The following SGCZ variants were observed in gnomAD, a reference collection of about 807,000 sequenced individuals.
SGCZ encodes sarcoglycan zeta.
A neutral mutation model predicts 41.3 loss-of-function variants in SGCZ; 40 were observed. That is an observed-to-expected ratio of 0.97 (90% confidence interval 0.75 to 1.26). The LOEUF (loss-of-function observed/expected upper bound fraction) is 1.26. Ranked by LOEUF, SGCZ falls within the 50% of genes most tolerant of loss-of-function variation. The probability of loss-of-function intolerance (pLI) is 0.00; values close to 1 mark genes in which losing one functional copy is unlikely to be tolerated. For synonymous variants in SGCZ, 206 were observed against 137.5 expected (o/e 1.50, Z -3.49); for missense variants, 552 against 369.8 (o/e 1.49, Z -4.04).
intron 7 of SGCZ, among the ~76,000 whole-genome samples, chr8:14,099,876 C>G (rs995073841): frequency 2.7e-5 from 4 of 149,872 alleles, no homozygotes; most frequent in African/African-American, 7.6e-5. Context: ...CTTTACAATA[C>G]TATGCCTGAA....
chr8:15,164,889 C>T (rs1194035602), intron 1 of SGCZ, among the ~76,000 whole-genome samples: 1 of 152,082 alleles, frequency 6.6e-6, no homozygotes, highest in Non-Finnish European at 1.5e-5. Context: ...GAATAAGCTT[C>T]TTTCTGGTTT....
At chr8:14,633,521 C>A (rs1360591849) in intron 1 of SGCZ, among the ~76,000 whole-genome samples, 1 of 144,054 alleles carries the variant, frequency 6.9e-6, no homozygotes, top group Non-Finnish European at 1.5e-5. Flanking sequence ...GCAAGCATTC[C>A]TTTCTTTCTA....
rs1804963150 is a variant in SGCZ at position 14,890,239 on chromosome 8, A to C, written c.40-335313T>G. On this transcript the variant is annotated intron_variant, in intron 1 of 7. Coordinates refer to ENST00000382080, the MANE Select transcript of SGCZ (RefSeq NM_139167.4). ...CAAAAAAAGAAAGAAAGAAAGAGAGAGAGAAAGAGAGAAAGGAAAAGGAAG... is the reference window on the plus strand; with the variant it reads ...CAAAAAAAGAAAGAAAGAAAGAGAGCGAGAAAGAGAGAAAGGAAAAGGAAG... Among the ~76,000 whole-genome samples the C allele has an allele frequency of 2.6e-5, 4 of 151,842 alleles. 1 individual carries two copies. The highest frequency in any genetic ancestry group is 9.7e-5 in the African/African-American group (4 of 41,332).
chr8:14,535,878 A>G (rs867436177), intron 2 of SGCZ, among the ~76,000 whole-genome samples: 9 of 151,998 alleles, frequency 5.9e-5, no homozygotes, highest in Middle Eastern at 3.4e-3. Flanking sequence ...GACGGCATGT[A>G]AAATATTAAC....
At chr8:14,671,706 T>C (rs1041066988) in intron 1 of SGCZ, among the ~76,000 whole-genome samples, 1 of 152,070 alleles carries the variant, frequency 6.6e-6, no homozygotes, top group Non-Finnish European at 1.5e-5. Context: ...TTAAGCCAAA[T>C]TACTTATAAT....
chr8:14,877,460 A>C (rs1804407641), intron 1 of SGCZ, among the ~76,000 whole-genome samples: 1 of 152,174 alleles, frequency 6.6e-6, no homozygotes, highest in South Asian at 2.1e-4. Flanking sequence ...AACTGCTTCT[A>C]AATCATGATA....
At chr8:14,805,867 T>C (rs1178990252) in intron 1 of SGCZ, among the ~76,000 whole-genome samples, 2 of 149,660 alleles carry the variant, frequency 1.3e-5, no homozygotes, top group African/African-American at 4.9e-5. Context: ...GAACAGAAAT[T>C]ATAACAAACT....
intron 1 of SGCZ, among the ~76,000 whole-genome samples, chr8:14,793,275 C>T (rs1046616311): frequency 6.6e-6 from 1 of 152,194 alleles, no homozygotes; most frequent in African/African-American, 2.4e-5. Context: ...CTAAAACAGC[C>T]TTGTAACAGA....
intron 1 of SGCZ, among the ~76,000 whole-genome samples, chr8:14,774,636 G>C (rs1800344744): frequency 1.3e-5 from 2 of 152,098 alleles, no homozygotes; most frequent in South Asian, 2.1e-4. Flanking sequence ...CCCCTTCTAA[G>C]TCCTCAACAG....
intron 2 of SGCZ, among the ~76,000 whole-genome samples, chr8:14,329,402 T>C (rs1371853935): frequency 3.3e-5 from 5 of 152,328 alleles, no homozygotes; most frequent in Admixed American, 1.3e-4. Context: ...TTGTGGGTTA[T>C]TGAAAATTAA....
At chr8:14,936,222 C>A (rs1055691657) in intron 1 of SGCZ, among the ~76,000 whole-genome samples, 7 of 151,820 alleles carry the variant, frequency 4.6e-5, no homozygotes, top group African/African-American at 1.7e-4. Flanking sequence ...TTAATAAACA[C>A]ACAGATGCTC....
At position 14,906,757 on chromosome 8, in the gene SGCZ, C is replaced by A. The variant is rs374613824; in HGVS notation, c.39+330828G>T. Among the ~76,000 whole-genome samples the A allele has an allele frequency of 3.9e-5, 6 of 152,258 alleles. No individual in the cohort carries two copies. The East Asian group carries it at 1.2e-3, about 29-fold the overall frequency. ...TTCTGAGAAATCAACTGGAGACCAA[C>A]AATGAGATGCTTACAGTCCTGATTA... On this transcript the variant is annotated intron_variant, in intron 1 of 7. Coordinates refer to ENST00000382080, the MANE Select transcript of SGCZ (RefSeq NM_139167.4).
chr8:14,937,465 T>C (rs946409312), intron 1 of SGCZ, among the ~76,000 whole-genome samples: 2 of 151,998 alleles, frequency 1.3e-5, no homozygotes, highest in Non-Finnish European at 2.9e-5. Flanking sequence ...TCCAATGCCT[T>C]CATAAGAAAC....
chr8:14,498,571 C>A (rs1443340648), intron 2 of SGCZ, among the ~76,000 whole-genome samples: 1 of 151,988 alleles, frequency 6.6e-6, no homozygotes, highest in African/African-American at 2.4e-5. Flanking sequence ...TTCTTTAATT[C>A]TTTTGCCTTT....
intron 2 of SGCZ, among the ~76,000 whole-genome samples, chr8:14,382,177 T>G (rs1052772234): frequency 5.9e-5 from 9 of 151,950 alleles, no homozygotes; most frequent in Non-Finnish European, 1.3e-4. Flanking sequence ...ACCAGTAGAG[T>G]TTCTGCCAAA....
At chr8:14,434,034 T>C (rs1160097066) in intron 2 of SGCZ, among the ~76,000 whole-genome samples, 1 of 152,240 alleles carries the variant, frequency 6.6e-6, no homozygotes, top group Non-Finnish European at 1.5e-5. Context: ...GGTCATGAAA[T>C]CCTTGCCTAA....
chr8:14,538,989 C>G (rs1803377850), intron 2 of SGCZ, among the ~76,000 whole-genome samples: 1 of 152,032 alleles, frequency 6.6e-6, no homozygotes, highest in Admixed American at 6.6e-5. Flanking sequence ...TTGTCAAACA[C>G]TGGTGTTCTG....
chr8:14,979,607 G>A (rs558339358), intron 1 of SGCZ, among the ~76,000 whole-genome samples: 1 of 152,288 alleles, frequency 6.6e-6, no homozygotes, highest in African/African-American at 2.4e-5. Context: ...GCCATAAACT[G>A]CATTTTAGAA....
chr8:14,798,165 G>GA (rs929100682), intron 1 of SGCZ, among the ~76,000 whole-genome samples: 4 of 152,124 alleles, frequency 2.6e-5, no homozygotes, highest in African/African-American at 9.7e-5. Context: ...TTTACTTTTA[G>GA]AAAATGTTAT....
Sources: allele counts gnomAD v4.1 joint callset (sites outside exome capture counted in the v4.1 genomes callset), GRCh38; gene constraint gnomAD v4.1.1; transcripts MANE v1.5; gene names NCBI Gene and HGNC (gene_info 2026-07-23, HGNC 2026-07-21).